Variants in KCND2 observed in about 807,000 individuals in gnomAD.
KCND2 encodes the protein potassium voltage-gated channel subfamily D member 2.
A neutral mutation model predicts 54.4 loss-of-function variants in KCND2; 16 were observed. That is an observed-to-expected ratio of 0.29 (90% CI 0.20 to 0.45). The LOEUF is 0.45. Ranked by LOEUF, KCND2 falls within the 20% of genes least tolerant of loss-of-function variation. The probability of loss-of-function intolerance (pLI) is 1.00; values close to 1 mark genes in which losing one functional copy is unlikely to be tolerated. For synonymous variants in KCND2, 317 were observed against 310.7 expected (o/e 1.02, Z -0.21); for missense variants, 486 against 824.2 (o/e 0.59, Z 5.02).
At chr7:120,301,498 T>G (rs967047269) in intron 1 of KCND2, among the ~76,000 whole-genome samples, 15 of 151,314 alleles carry the variant, frequency 9.9e-5, no homozygotes, top group African/African-American at 2.7e-4. Context: ...GTTTGCAGGG[T>G]TTTTTTTTCA....
At chr7:120,485,022 G>A (rs1802673562) in intron 1 of KCND2, among the ~76,000 whole-genome samples, 1 of 151,974 alleles carries the variant, frequency 6.6e-6, no homozygotes, top group African/African-American at 2.4e-5. Context: ...GAGTAGCTGA[G>A]ACTACAGGCA....
intron 1 of KCND2, among the ~76,000 whole-genome samples, chr7:120,350,176 G>C (rs1218228140): frequency 6.6e-6 from 1 of 152,046 alleles, no homozygotes; most frequent in Non-Finnish European, 1.5e-5. Flanking sequence ...GATTCTATAA[G>C]TGTTTCATTC....
At chr7:120,412,274 C>T (rs1019569369) in intron 1 of KCND2, among the ~76,000 whole-genome samples, 4 of 151,962 alleles carry the variant, frequency 2.6e-5, no homozygotes, top group African/African-American at 9.7e-5. Flanking sequence ...ACACAGGTTC[C>T]TCTCTTGAAA....
At chr7:120,674,322 A>T (rs1792031337) in intron 1 of KCND2, among the ~76,000 whole-genome samples, 1 of 152,180 alleles carries the variant, frequency 6.6e-6, no homozygotes, top group South Asian at 2.1e-4. Context: ...AATAACAGCC[A>T]TGAGACCTTT....
intron 1 of KCND2, among the ~76,000 whole-genome samples, chr7:120,471,901 G>A (rs1802459473): frequency 6.6e-6 from 1 of 151,894 alleles, no homozygotes; most frequent in African/African-American, 2.4e-5. Context: ...TTTTAGAGGG[G>A]TGATGGTATC....
intron 1 of KCND2, among the ~76,000 whole-genome samples, chr7:120,643,125 C>A (rs1030684468): frequency 6.6e-6 from 1 of 152,130 alleles, no homozygotes; most frequent in Non-Finnish European, 1.5e-5. Flanking sequence ...ATACTGATAT[C>A]TTTTACAGAA....
chr7:120,391,029 G>A (rs933657998), intron 1 of KCND2, among the ~76,000 whole-genome samples: 1 of 151,814 alleles, frequency 6.6e-6, no homozygotes, highest in African/African-American at 2.4e-5. Context: ...TTTAAGCCCC[G>A]CATGATTAGG....
At chr7:120,731,531 G>A (rs1051394333) in intron 1 of KCND2, among the ~76,000 whole-genome samples, 5 of 152,204 alleles carry the variant, frequency 3.3e-5, no homozygotes, top group African/African-American at 7.2e-5. Context: ...ACTAAATGAG[G>A]TAGGCCCTTG....
intron 1 of KCND2, among the ~76,000 whole-genome samples, chr7:120,696,928 C>A (rs55838297): frequency 0.081 from 12,370 of 152,182 alleles, 649 homozygotes; most frequent in African/African-American, 0.11. Context: ...AAATAAAATG[C>A]TTCTAGATCA....
intron 1 of KCND2, among the ~76,000 whole-genome samples, chr7:120,555,034 T>C: frequency 6.6e-6 from 1 of 152,194 alleles, no homozygotes; most frequent in Non-Finnish European, 1.5e-5. Flanking sequence ...ATAATCTGAA[T>C]GCAAATTTAA....
At chr7:120,392,764 A>G (rs939167905) in intron 1 of KCND2, among the ~76,000 whole-genome samples, 2 of 151,924 alleles carry the variant, frequency 1.3e-5, no homozygotes, top group Non-Finnish European at 2.9e-5. Context: ...TGTTTGTGCT[A>G]TAAGTAGTTA....
chr7:120,396,663 A>ATGTG (rs143980070), intron 1 of KCND2, among the ~76,000 whole-genome samples: 1 of 151,024 alleles, frequency 6.6e-6, no homozygotes, highest in Non-Finnish European at 1.5e-5. Context: ...CTAGGTTTAA[A>ATGTG]TGTGTGTGTG....
At chr7:120,416,013 T>C (rs1420693147) in intron 1 of KCND2, among the ~76,000 whole-genome samples, 1 of 152,184 alleles carries the variant, frequency 6.6e-6, no homozygotes, top group Non-Finnish European at 1.5e-5. Flanking sequence ...TCCAGAGATA[T>C]CTGAGTAACT....
At chr7:120,746,258 G>A (rs938172440) in intron 5 of KCND2, among the ~76,000 whole-genome samples, 9 of 152,172 alleles carry the variant, frequency 5.9e-5, no homozygotes, top group African/African-American at 1.7e-4. Context: ...AGAGATGATT[G>A]AGTGCACACA....
At chr7:120,417,362 T>A (rs2116123883) in intron 1 of KCND2, among the ~76,000 whole-genome samples, 1 of 152,278 alleles carries the variant, frequency 6.6e-6, no homozygotes, top group South Asian at 2.1e-4. Context: ...TTAGAATAAA[T>A]CTGAACTAAT....
intron 1 of KCND2, among the ~76,000 whole-genome samples, chr7:120,669,572 G>T (rs948376985): frequency 2.0e-5 from 3 of 152,076 alleles, no homozygotes; most frequent in Non-Finnish European, 2.9e-5. Flanking sequence ...CCCACTGGAA[G>T]GCTGTCTACA....
intron 1 of KCND2, among the ~76,000 whole-genome samples, chr7:120,305,375 G>C (rs1420004748): frequency 1.3e-5 from 2 of 152,040 alleles, no homozygotes; most frequent in Non-Finnish European, 2.9e-5. Flanking sequence ...GAGATGGCTA[G>C]ATGTAAGGTA....
At chr7:120,567,530 T>G (rs1339203928) in intron 1 of KCND2, among the ~76,000 whole-genome samples, 2 of 152,146 alleles carry the variant, frequency 1.3e-5, no homozygotes, top group African/African-American at 4.8e-5. Context: ...GGTAAAGTAC[T>G]TCCAGAATTT....
intron 1 of KCND2, among the ~76,000 whole-genome samples, chr7:120,397,972 A>AGT (rs372421333): frequency 4.3e-4 from 47 of 109,608 alleles, no homozygotes; most frequent in African/African-American, 1.4e-3. Flanking sequence ...TGTGTATATA[A>AGT]GTGTGTGTGT....
Sources: allele counts gnomAD v4.1 joint callset (sites outside exome capture counted in the v4.1 genomes callset), GRCh38; gene constraint gnomAD v4.1.1; transcripts MANE v1.5; gene names NCBI Gene and HGNC (gene_info 2026-07-23, HGNC 2026-07-21).